Variants in TMEM132D observed in about 807,000 individuals in gnomAD.
The protein encoded by TMEM132D is mature OL transmembrane protein.
TMEM132D carries 21 observed loss-of-function variants against 62.3 expected under a neutral mutation model. The observed-to-expected ratio is 0.34, with a 90% confidence interval of 0.24 to 0.49. The LOEUF is 0.49. Among genes scored for constraint, TMEM132D ranks in the 20% least tolerant of loss-of-function variants. TMEM132D has a pLI of 0.99. For synonymous variants in TMEM132D, 621 were observed against 575.6 expected (o/e 1.08, Z -1.13); for missense variants, 1,346 against 1,402.8 (o/e 0.96, Z 0.65).
At chr12:129,159,774 A>AAG (rs1310902839) in intron 5 of TMEM132D, among the ~76,000 whole-genome samples, 1 of 144,596 alleles carries the variant, frequency 6.9e-6, no homozygotes, top group Non-Finnish European at 1.5e-5. Context: ...AAAAAAAAAA[A>AAG]AAAGAAAGAA....
At chr12:129,620,280 A>G (rs768277888) in intron 2 of TMEM132D, among the ~76,000 whole-genome samples, 1 of 152,110 alleles carries the variant, frequency 6.6e-6, no homozygotes, top group Non-Finnish European at 1.5e-5. Context: ...TATTCTCCAC[A>G]CAGAAGCCAA....
At chr12:129,502,172 TG>T (rs1875168555) in intron 3 of TMEM132D, among the ~76,000 whole-genome samples, 1 of 152,052 alleles carries the variant, frequency 6.6e-6, no homozygotes, top group African/African-American at 2.4e-5. Context: ...GCTAATTTTT[TG>T]TATTTTTAGT....
intron 4 of TMEM132D, among the ~76,000 whole-genome samples, chr12:129,309,157 A>G (rs181831184): frequency 6.6e-6 from 1 of 152,330 alleles, no homozygotes; most frequent in Admixed American, 6.5e-5. Context: ...GGTTCTTGAT[A>G]GCAAAACACA....
intron 3 of TMEM132D, among the ~76,000 whole-genome samples, chr12:129,414,724 A>C (rs2135707559): frequency 6.6e-6 from 1 of 152,334 alleles, no homozygotes; most frequent in South Asian, 2.1e-4. Context: ...AACTATCGTT[A>C]CCATGCCACA....
At chr12:129,859,058 C>G (rs989554618) in intron 1 of TMEM132D, among the ~76,000 whole-genome samples, 2 of 150,626 alleles carry the variant, frequency 1.3e-5, no homozygotes, top group African/African-American at 4.9e-5. Context: ...GCCCTTGTAA[C>G]GGAGTCCGGG....
intron 3 of TMEM132D, among the ~76,000 whole-genome samples, chr12:129,506,946 C>T (rs1175055674): frequency 2.0e-5 from 3 of 149,636 alleles, no homozygotes; most frequent in Admixed American, 2.0e-4. Context: ...ATAATCTTCA[C>T]AATCTACACA....
intron 1 of TMEM132D, among the ~76,000 whole-genome samples, chr12:129,737,360 T>C (rs1186583133): frequency 6.6e-6 from 1 of 152,216 alleles, no homozygotes; most frequent in Non-Finnish European, 1.5e-5. Flanking sequence ...AATCAGGTGG[T>C]GTTTTAATGT....
chr12:129,569,667 G>A (rs751012888), intron 2 of TMEM132D, among the ~76,000 whole-genome samples: 60 of 152,136 alleles, frequency 3.9e-4, no homozygotes, highest in Non-Finnish European at 6.8e-4. Flanking sequence ...GTTACACAGC[G>A]TGCCGATTTA....
chr12:129,808,479 A>G (rs1396716719), intron 1 of TMEM132D, among the ~76,000 whole-genome samples: 1 of 152,212 alleles, frequency 6.6e-6, no homozygotes, highest in Non-Finnish European at 1.5e-5. Context: ...TTCAAGATCA[A>G]AATAAACGAA....
chr12:129,512,273 G>C (rs1041266419), intron 3 of TMEM132D, among the ~76,000 whole-genome samples: 4 of 152,152 alleles, frequency 2.6e-5, no homozygotes, highest in African/African-American at 9.7e-5. Flanking sequence ...CCAGGGAGAG[G>C]CACAGGACAA....
At chr12:129,462,093 C>A (rs964653290) in intron 3 of TMEM132D, among the ~76,000 whole-genome samples, 5 of 152,098 alleles carry the variant, frequency 3.3e-5, no homozygotes, top group African/African-American at 1.2e-4. Context: ...AATAGAAAAA[C>A]CCAGGCTTTT....
At chr12:129,467,039 C>A (rs976560688) in intron 3 of TMEM132D, among the ~76,000 whole-genome samples, 2 of 152,058 alleles carry the variant, frequency 1.3e-5, no homozygotes, top group African/African-American at 2.4e-5. Flanking sequence ...ATCTGACACA[C>A]GGTAGGTGCC....
chr12:129,084,941 C>T (rs1352647749), intron 5 of TMEM132D: 3 of 559,744 alleles, frequency 5.4e-6, no homozygotes, highest in East Asian at 6.1e-5. Flanking sequence ...GTCCCTGTGG[C>T]TAGGTTGGTG....
At chr12:129,289,209 G>T (rs1437905277) in intron 4 of TMEM132D, among the ~76,000 whole-genome samples, 1 of 152,122 alleles carries the variant, frequency 6.6e-6, no homozygotes, top group Admixed American at 6.6e-5. Flanking sequence ...TAACAGGAAT[G>T]TATTGTGTAC....
intron 2 of TMEM132D, among the ~76,000 whole-genome samples, chr12:129,607,916 T>C (rs74665650): frequency 0.02 from 3,004 of 152,286 alleles, 50 homozygotes; most frequent in Non-Finnish European, 0.028. Context: ...AGAATCACTA[T>C]TGCTCAAGTG....
chr12:129,324,702 C>A (rs1275757187), intron 4 of TMEM132D, among the ~76,000 whole-genome samples: 1 of 151,986 alleles, frequency 6.6e-6, no homozygotes, highest in African/African-American at 2.4e-5. Flanking sequence ...TAGTGGCGGG[C>A]ACCTGTAATC....
chr12:129,837,074 C>T (rs1873028646), intron 1 of TMEM132D, among the ~76,000 whole-genome samples: 1 of 152,116 alleles, frequency 6.6e-6, no homozygotes, highest in Non-Finnish European at 1.5e-5. Context: ...CGTTTGTTGT[C>T]GATAAACAGC....
At chr12:129,859,748 C>A (rs1444819149) in intron 1 of TMEM132D, among the ~76,000 whole-genome samples, 1 of 152,194 alleles carries the variant, frequency 6.6e-6, no homozygotes, top group Non-Finnish European at 1.5e-5. Flanking sequence ...GGTTCTTCAG[C>A]CTTTGGATTC....
chr12:129,762,580 C>T (rs1042849086), intron 1 of TMEM132D, among the ~76,000 whole-genome samples: 17 of 152,034 alleles, frequency 1.1e-4, no homozygotes, highest in Non-Finnish European at 8.8e-5. Context: ...TTCATAAGCA[C>T]GGAGGGGAAA....
Sources: allele counts gnomAD v4.1 joint callset (sites outside exome capture counted in the v4.1 genomes callset), GRCh38; gene constraint gnomAD v4.1.1; transcripts MANE v1.5; gene names NCBI Gene and HGNC (gene_info 2026-07-23, HGNC 2026-07-21).